The following ZNF337 variants were observed in gnomAD, a reference collection of about 807,000 sequenced individuals.
ZNF337 encodes the protein zinc finger protein 337.
In ZNF337, 8 loss-of-function variants were observed where a neutral mutation model predicts 12.1. The ratio of observed to expected loss-of-function variants is 0.66; its 90% CI spans 0.39 to 1.19. ZNF337 has a LOEUF of 1.19. Ranked by LOEUF, ZNF337 falls within the 50% of genes most tolerant of loss-of-function variation. The probability of loss-of-function intolerance (pLI) is 0.01; values close to 1 mark genes in which losing one functional copy is unlikely to be tolerated. For synonymous variants in ZNF337, 336 were observed against 320.0 expected (o/e 1.05, Z -0.53); for missense variants, 882 against 896.6 (o/e 0.98, Z 0.21).
rs186230194 is a variant in ZNF337 at position 25,694,037 on chromosome 20, G to A, written c.-50+2722C>T. ...GGAACAGATCCTGAGTGTGGGCATC[G>A]CAACAGACCCTGTCCTGACATGATG... On this transcript the variant is annotated intron_variant, in intron 1 of 4. Coordinates refer to ENST00000252979, the MANE Select transcript of ZNF337 (RefSeq NM_015655.4). Among the ~76,000 whole-genome samples, 16 of 152,274 alleles carry A rather than the reference G, an allele frequency of 1.1e-4. No individual in the cohort carries two copies. The East Asian group carries it at 1.2e-3, about 11-fold the overall frequency.
Position 25,675,588 on chromosome 20 carries a change from G to A in ZNF337, c.1700C>T (p.Ser567Leu), listed in dbSNP as rs141590223. ...CTTGCAATTAAATGGCCTTTCCCCC[G>A]AGTGTGTCCACTGATGTCTAAGAAG... The part of the protein sequence containing the change: ...ANLLRHQWTH[S>L]GERPFNCKDC... The change falls in exon 5 of 5, where the codon TCG becomes TTG. Residue 567 changes from serine to leucine, a missense_variant. By Grantham distance (145) the Ser-to-Leu change is moderately radical. Transcript: ENST00000252979. The A allele has an allele frequency of 1.1e-3, 1,751 of 1,613,450 alleles. 2 individuals carry two copies. Among genetic ancestry groups the A allele is most frequent in the Non-Finnish European group, 1.4e-3 (1,610 of 1,179,904 alleles).
rs768064971 is a variant in ZNF337 at position 25,675,221 on chromosome 20, C to T, written c.2067G>A (p.Glu689=). Residue 689 remains glutamate, a synonymous_variant, in exon 5 of 5, where the codon GAG becomes GAA. Coordinates refer to ENST00000252979, the MANE Select transcript of ZNF337 (RefSeq NM_015655.4). ...HSKEKPFVCQ[E]CKRGYTSKSD... is the part of the protein sequence containing the mutation. ...ACTTACTGGTATAGCCTCGCTTACA[C>T]TCCTGGCAAACAAAAGGCTTCTCCT... The T allele has an allele frequency of 1.9e-6, 3 of 1,614,242 alleles. No individual in the cohort carries two copies. The highest frequency in any genetic ancestry group is 2.2e-5 in the East Asian group (1 of 44,884).
At chr20:25,686,205 C>T in intron 2 of ZNF337, 83 bp from the exon 3 acceptor site, 3 of 1,593,592 alleles carry the variant, frequency 1.9e-6, no homozygotes, top group Non-Finnish European at 2.6e-6. Flanking sequence ...GCCATCTGTA[C>T]ACAGATCACT....
rs1260346438 is a variant in ZNF337, at chr20:25,676,364, G to T, written c.924C>A (p.Asn308Lys). The T allele has an allele frequency of 1.2e-6, 2 of 1,614,038 alleles. No individual in the cohort carries two copies. Among genetic ancestry groups the T allele is most frequent in the Non-Finnish European group, 1.7e-6 (2 of 1,179,996 alleles). Residue 308 changes from asparagine to lysine, a missense_variant, in exon 5 of 5, where the codon AAC (asparagine) becomes AAA (lysine). Coordinates refer to ENST00000252979, the MANE Select transcript of ZNF337 (RefSeq NM_015655.4). Reference sequence around the variant, plus strand: ...CCCCTGAATGCGCCTTCAAGTGCTTGTTGTATGAGGACTTATCGTTAAACC... The same window carrying T: ...CCCCTGAATGCGCCTTCAAGTGCTTTTTGTATGAGGACTTATCGTTAAACC... Reference protein sequence around the residue: ...GRRFNDKSSYNKHLKAHSGEK... With the variant: ...GRRFNDKSSYKKHLKAHSGEK...
Position 25,675,110 on chromosome 20 carries a change from T to A in ZNF337, c.2178A>T (p.Ser726=). 5.6e-6 allele frequency: 9 copies of A among 1,614,192 alleles called. No homozygotes were observed. The highest frequency in any genetic ancestry group is 7.6e-6 in the Non-Finnish European group (9 of 1,180,038). Residue 726 remains serine (S), a synonymous_variant, in exon 5 of 5, where the codon TCA becomes TCT. Coordinates refer to ENST00000252979, the MANE Select transcript of ZNF337 (RefSeq NM_015655.4). Reference sequence around the variant, plus strand: ...GTCTCTTTAAGTGCTTACTGTAGTATGACTTATTGCTAAACTTTCGTCCAC... The same window carrying A: ...GTCTCTTTAAGTGCTTACTGTAGTAAGACTTATTGCTAAACTTTCGTCCAC... ...QECGRKFSNK[S]YYSKHLKRHL...
chr20:25,693,490 C>T (rs569586562), intron 1 of ZNF337, among the ~76,000 whole-genome samples: 2 of 152,232 alleles, frequency 1.3e-5, no homozygotes, highest in Non-Finnish European at 2.9e-5. Flanking sequence ...CTATAAAGCC[C>T]TGTCCCTGGG....
rs1057146430 is a variant in ZNF337 at position 25,674,877 on chromosome 20, G to T, written c.*155C>A. On this transcript the variant is annotated 3_prime_UTR_variant, in exon 5 of 5. Coordinates refer to ENST00000252979, the MANE Select transcript of ZNF337 (RefSeq NM_015655.4). Reference sequence around the variant, plus strand: ...ACCTCTTTTCTCTGAATCTCTTGGGGACACATGGGTTGAATTCAGGTTCTC... The same window carrying T: ...ACCTCTTTTCTCTGAATCTCTTGGGTACACATGGGTTGAATTCAGGTTCTC... 4.5e-6 allele frequency: 3 copies of T among 659,556 alleles called. No individual in the cohort carries two copies. The Admixed American group carries it at 8.8e-5, about 19-fold the overall frequency. The allele number at this position is 659,556 out of a possible 1,614,324, so 40.9% of individuals were successfully genotyped here.
chr20:25,695,275 CAAAA>C (rs2065911894), intron 1 of ZNF337, among the ~76,000 whole-genome samples: 1 of 143,422 alleles, frequency 7.0e-6, no homozygotes, highest in African/African-American at 3.0e-5. Flanking sequence ...TCTCTAAAAA[CAAAA>C]ACAAAAACAC....
chr20:25,686,348 C>A, intron 2 of ZNF337, 43 bp downstream of exon 2: 3 of 1,572,852 alleles, frequency 1.9e-6, no homozygotes, highest in Non-Finnish European at 2.6e-6. Flanking sequence ...AGGAAATGGG[C>A]CCATCCTGTG....
At position 25,676,370 on chromosome 20, in the gene ZNF337, T is replaced by C. The variant is rs772363036; in HGVS notation, c.918A>G (p.Ser306=). The C allele has an allele frequency of 5.6e-6, 9 of 1,613,718 alleles. No individual in the cohort carries two copies. The highest frequency in any genetic ancestry group is 7.6e-6 in the Non-Finnish European group (9 of 1,179,910). The change falls in exon 5 of 5, where the codon TCA becomes TCG. Residue 306 remains serine, a synonymous_variant. Transcript: ENST00000252979. ...ECGRRFNDKS[S]YNKHLKAHSG... ...AATGCGCCTTCAAGTGCTTGTTGTA[T>C]GAGGACTTATCGTTAAACCTTCGCC...
chr20:25,676,017 C>A lies in ZNF337; in HGVS notation c.1271G>T (p.Arg424Ile). 6.2e-7 allele frequency: 1 copy of A among 1,613,796 alleles called. No homozygotes were observed. Among genetic ancestry groups the A allele is most frequent in the South Asian group, 1.1e-5 (1 of 91,084 alleles). The change falls in exon 5 of 5, where the codon AGA (arginine) becomes ATA (isoleucine). Residue 424 changes from arginine (R) to isoleucine (I), a missense_variant. By Grantham distance (97) the Arg-to-Ile change is moderately conservative (BLOSUM62 -3). Coordinates refer to ENST00000252979, the MANE Select transcript of ZNF337 (RefSeq NM_015655.4). Reference sequence around the variant, plus strand: ...AAAAGGTTTCTCCCCTGAGTGTGTTCTCTGGTGGTAGACAAGAGTTGACTT... The same window carrying A: ...AAAAGGTTTCTCCCCTGAGTGTGTTATCTGGTGGTAGACAAGAGTTGACTT... ...SQKSTLVYHQ[R>I]THSGEKPFVC... is the part of the protein sequence containing the mutation.
In ZNF337 at chr20:25,676,344, G is replaced by A. The variant is rs762190496; in HGVS notation, c.944C>T (p.Ser315Leu). The A allele has an allele frequency of 7.4e-6, 12 of 1,614,006 alleles. No homozygotes were observed. Among genetic ancestry groups the A allele is most frequent in the Non-Finnish European group, 1.0e-5 (12 of 1,180,022 alleles). ...SSYNKHLKAH[S>L]GEKPFVCKEC... ...CTTGCACACAAAAGGCTTCTCCCCT[G>A]AATGCGCCTTCAAGTGCTTGTTGTA... Residue 315 changes from serine to leucine, a missense_variant, in exon 5 of 5, where the codon TCA (serine) becomes TTA (leucine). Transcript: ENST00000252979.
At position 25,675,345 on chromosome 20, in the gene ZNF337, C is replaced by G. The variant is rs999821969; in HGVS notation, c.1943G>C (p.Arg648Thr). ...NWKGNLLTHQ[R>T]THSGEKPFVC... is the part of the protein sequence containing the mutation. ...GAAGGGCTTCTCCCCTGAGTGTGTC[C>G]TCTGGTGTGTGAGGAGATTTCCCTT... The change falls in exon 5 of 5, where the codon AGG becomes ACG. Residue 648 changes from arginine (R) to threonine (T), a missense_variant. Transcript: ENST00000252979. 1.2e-6 allele frequency: 2 copies of G among 1,613,784 alleles called. No homozygotes were observed. The highest frequency in any genetic ancestry group is 2.7e-5 in the African/African-American group (2 of 74,814).
intron 1 of ZNF337, among the ~76,000 whole-genome samples, chr20:25,689,491 C>A (rs2065866229): frequency 6.6e-6 from 1 of 152,116 alleles, no homozygotes; most frequent in African/African-American, 2.4e-5. Context: ...CATGTAAGGG[C>A]ACATGAGAAC....
chr20:25,689,030 G>A (rs373258148), intron 1 of ZNF337, among the ~76,000 whole-genome samples: 2 of 150,888 alleles, frequency 1.3e-5, no homozygotes, highest in African/African-American at 4.9e-5. Context: ...CCAGCTACTC[G>A]GGAGGCTGAG....
chr20:25,696,058 C>T (rs2122488648), intron 1 of ZNF337, among the ~76,000 whole-genome samples: 1 of 151,228 alleles, frequency 6.6e-6, no homozygotes, highest in East Asian at 2.0e-4. Context: ...ACAGCCACCT[C>T]ACCTCCCGCG....
rs758113106 is a variant in ZNF337, at chr20:25,676,406, G to A, written c.882C>T (p.Cys294=). 21 of 1,614,028 alleles carry A rather than the reference G, an allele frequency of 1.3e-5. No homozygotes were observed. Among genetic ancestry groups the A allele is most frequent in the Non-Finnish European group, 1.4e-5 (16 of 1,180,036 alleles). Residue 294 remains cysteine, a synonymous_variant, in exon 5 of 5, where the codon TGC becomes TGT. Coordinates refer to ENST00000252979, the MANE Select transcript of ZNF337 (RefSeq NM_015655.4). ...RTHTGEKPYE[C]QECGRRFNDK... The stretch of plus-strand genomic sequence containing the variant: ...CGTTAAACCTTCGCCCACACTCCTG[G>A]CATTCATAAGGCTTCTCTCCTGTGT...
In ZNF337 at chr20:25,675,654, A is replaced by G; in HGVS notation, c.1634T>C (p.Met545Thr). The G allele has an allele frequency of 1.3e-5, 21 of 1,614,088 alleles. No individual in the cohort carries two copies. The highest frequency in any genetic ancestry group is 1.7e-5 in the Non-Finnish European group (20 of 1,180,018). ...AAAACTTTTCTCACACTGCTTGCAC[A>G]TGAAGGGCTTCTCTCCTGAGTGTGT... ...QRTHSGEKPF[M>T]CKQCEKSFSL... Residue 545 changes from methionine (M) to threonine (T), a missense_variant, in exon 5 of 5, where the codon ATG becomes ACG. Physicochemically the swap from Met to Thr is moderately conservative, Grantham distance 81 (BLOSUM62 -1). Transcript: ENST00000252979.
In ZNF337 at chr20:25,675,616, T is replaced by G. The variant is rs751379942; in HGVS notation, c.1672A>C (p.Asn558His). 25 of 1,613,700 alleles carry G rather than the reference T, an allele frequency of 1.5e-5. No individual in the cohort carries two copies. Among genetic ancestry groups the G allele is most frequent in the Admixed American group, 1.2e-4 (7 of 59,972 alleles). ...TGTGTCCACTGATGTCTAAGAAGAT[T>G]TGCCTTCAAACTAAAACTTTTCTCA... ...QCEKSFSLKA[N>H]LLRHQWTHSG... The change falls in exon 5 of 5, where the codon AAT (asparagine) becomes CAT (histidine). Residue 558 changes from asparagine (N) to histidine (H), a missense_variant. Coordinates refer to ENST00000252979, the MANE Select transcript of ZNF337 (RefSeq NM_015655.4).
Sources: allele counts gnomAD v4.1 joint callset (sites outside exome capture counted in the v4.1 genomes callset), GRCh38; gene constraint gnomAD v4.1.1; transcripts MANE v1.5; gene names NCBI Gene and HGNC (gene_info 2026-07-23, HGNC 2026-07-21).